RIMBP2: variants seen among roughly 807,000 people sequenced by gnomAD.
RIMBP2 encodes RIMS binding protein 2.
A neutral mutation model predicts 118.6 loss-of-function variants in RIMBP2; 48 were observed. The ratio of observed to expected loss-of-function variants is 0.40; its 90% CI spans 0.32 to 0.51. The LOEUF (loss-of-function observed/expected upper bound fraction) is 0.51. Ranked by LOEUF, RIMBP2 falls within the 20% of genes least tolerant of loss-of-function variation. RIMBP2 has a pLI of 0.41. For synonymous variants in RIMBP2, 762 were observed against 742.9 expected (o/e 1.03, Z -0.42); for missense variants, 1,551 against 1,768.3 (o/e 0.88, Z 2.20).
chr12:130,637,411 G>A (rs964040814), intron 1 of RIMBP2, among the ~76,000 whole-genome samples: 3 of 152,226 alleles, frequency 2.0e-5, no homozygotes, highest in Non-Finnish European at 2.9e-5. Flanking sequence ...GAATGGATGC[G>A]TGCCTGAGAC....
chr12:130,407,890 TC>T lies in RIMBP2; in HGVS notation c.3590-62del, dbSNP rs570347629. Reference sequence around the variant, plus strand: ...GAGGTTATTTCAAACTTAGCGGTGTTCCCCTCCTTCCGGGTCACACATGGCC... The same window carrying T: ...GAGGTTATTTCAAACTTAGCGGTGTTCCCTCCTTCCGGGTCACACATGGCC... On this transcript the variant is annotated intron_variant, in intron 19 of 22. Coordinates refer to ENST00000690449, the MANE Select transcript of RIMBP2 (RefSeq NM_001393629.1). The T allele has an allele frequency of 7.9e-4, 1,159 of 1,466,180 alleles. 9 individuals are homozygous for T. The African/African-American group carries it at 0.015, about 19-fold the overall frequency. 90.8% of individuals were successfully genotyped at this position (1,466,180 alleles called of 1,614,324 possible).
chr12:130,436,140 A>G (rs2077493200), intron 13 of RIMBP2, among the ~76,000 whole-genome samples: 1 of 152,164 alleles, frequency 6.6e-6, no homozygotes, highest in Non-Finnish European at 1.5e-5. Context: ...CCAGCCCCAC[A>G]TCTCTTCCCC....
chr12:130,698,088 CA>C (rs1249090045), intron 1 of RIMBP2, among the ~76,000 whole-genome samples: 39 of 152,102 alleles, frequency 2.6e-4, no homozygotes, highest in Non-Finnish European at 5.6e-4. Flanking sequence ...GGCCCTTCTT[CA>C]TAGGAGGGGC....
chr12:130,477,411 G>C (rs1316399175), intron 5 of RIMBP2, among the ~76,000 whole-genome samples: 1 of 152,210 alleles, frequency 6.6e-6, no homozygotes, highest in Non-Finnish European at 1.5e-5. Flanking sequence ...TGACGAATAA[G>C]TGCAGGTGCC....
intron 1 of RIMBP2, among the ~76,000 whole-genome samples, chr12:130,694,783 A>G (rs555015257): frequency 1.5e-4 from 23 of 152,364 alleles, no homozygotes; most frequent in African/African-American, 5.5e-4. Flanking sequence ...GCTGCTCAGG[A>G]CAGCCCTGGA....
At chr12:130,610,270 G>T (rs1236413832) in intron 2 of RIMBP2, among the ~76,000 whole-genome samples, 1 of 152,026 alleles carries the variant, frequency 6.6e-6, no homozygotes, top group East Asian at 1.9e-4. Context: ...CCGTTCTGGG[G>T]CCTCTGGCAG....
rs11287921 is a variant in RIMBP2, at chr12:130,446,019, TC to T, written c.582-751del. ...GAAAAACAGACGCATGATTTTATGC[TC>T]CCCCCCCCCACACCCCCAGGAATAT... On this transcript the variant is annotated intron_variant, in intron 9 of 22. Coordinates refer to ENST00000690449, the MANE Select transcript of RIMBP2 (RefSeq NM_001393629.1). This position sits in a 1 kb window ranked among gnomAD's most constrained non-coding sequence, Gnocchi z 4.1. 0.54 allele frequency among the ~76,000 whole-genome samples: 60,763 copies of T among 112,500 alleles called. 12,916 individuals are homozygous for T. Among genetic ancestry groups the T allele is most frequent in the Non-Finnish European group, 0.6 (31,442 of 52,444 alleles). The allele number at this position is 112,500 out of a possible 152,430, so 73.8% of individuals were successfully genotyped here. A position where few individuals can be genotyped will look rare whatever the true frequency, so the allele number is the denominator to read the frequency against.
At chr12:130,448,604 G>T (rs1287247633) in intron 9 of RIMBP2, among the ~76,000 whole-genome samples, 2 of 152,254 alleles carry the variant, frequency 1.3e-5, no homozygotes. Flanking sequence ...CGGACTGAAG[G>T]AGCCAGGGGT....
rs565327485 is a variant in RIMBP2, at chr12:130,418,037, C to T, written c.3239-3731G>A. ...AGCACGAGGAACACAGGTGGTGGGACGAGATGACACAGGTATGCAGAAGAG... is the reference window on the plus strand; with the variant it reads ...AGCACGAGGAACACAGGTGGTGGGATGAGATGACACAGGTATGCAGAAGAG... On this transcript the variant is annotated intron_variant, in intron 17 of 22. Transcript: ENST00000690449. 7.9e-5 allele frequency among the ~76,000 whole-genome samples: 12 copies of T among 152,076 alleles called. No homozygotes were observed. The East Asian group carries it at 1.7e-3, about 22-fold the overall frequency.
chr12:130,687,986 A>G (rs1439780178), intron 1 of RIMBP2, among the ~76,000 whole-genome samples: 1 of 152,234 alleles, frequency 6.6e-6, no homozygotes, highest in Non-Finnish European at 1.5e-5. Context: ...CACGAGAGAC[A>G]GTGAAATGAG....
rs187641033 is a variant in RIMBP2 at position 130,523,634 on chromosome 12, C to G, written c.-216-5717G>C. Among the ~76,000 whole-genome samples the G allele has an allele frequency of 6.6e-6, 1 of 152,196 alleles. No homozygotes were observed. Among genetic ancestry groups the G allele is most frequent in the African/African-American group, 2.4e-5 (1 of 41,458 alleles). On this transcript the variant is annotated intron_variant, in intron 2 of 22. Transcript: ENST00000690449. The surrounding 1 kb of genome is among the most constrained non-coding windows in gnomAD (Gnocchi z 4.4). ...AACTGACAAGAGAAAGGAAAAAGCACGTTCTTTCAATAAACTTGTCAATTT... is the reference window on the plus strand; with the variant it reads ...AACTGACAAGAGAAAGGAAAAAGCAGGTTCTTTCAATAAACTTGTCAATTT...
chr12:130,711,063 C>T (rs772494519), intron 1 of RIMBP2, among the ~76,000 whole-genome samples: 7 of 152,210 alleles, frequency 4.6e-5, no homozygotes, highest in South Asian at 2.1e-4. Flanking sequence ...GTCAACATGG[C>T]GTAATCCCAT....
intron 7 of RIMBP2, among the ~76,000 whole-genome samples, chr12:130,453,657 C>T (rs1000123380): frequency 6.6e-6 from 1 of 152,220 alleles, no homozygotes; most frequent in African/African-American, 2.4e-5. Flanking sequence ...AAGCAGAGAA[C>T]AGAACAGTGG....
chr12:130,704,941 T>TC (rs1448231129), intron 1 of RIMBP2, among the ~76,000 whole-genome samples: 1 of 152,170 alleles, frequency 6.6e-6, no homozygotes, highest in Non-Finnish European at 1.5e-5. Context: ...TGTGCTCGTT[T>TC]CCTGGGCTGC....
chr12:130,526,619 T>C (rs1375829359), intron 2 of RIMBP2, among the ~76,000 whole-genome samples: 2 of 152,210 alleles, frequency 1.3e-5, no homozygotes, highest in Non-Finnish European at 2.9e-5. Flanking sequence ...TGGCCTTATG[T>C]TTTAGAAAAG....
chr12:130,409,646 A>G (rs531445478), intron 19 of RIMBP2, among the ~76,000 whole-genome samples: 1 of 152,164 alleles, frequency 6.6e-6, no homozygotes, highest in Non-Finnish European at 1.5e-5. Flanking sequence ...CCCGGCCCAG[A>G]ATGTAGCTTT....
At chr12:130,418,982 G>A (rs1341255012) in intron 17 of RIMBP2, among the ~76,000 whole-genome samples, 5 of 152,178 alleles carry the variant, frequency 3.3e-5, no homozygotes, top group Non-Finnish European at 7.4e-5. Flanking sequence ...AGACAGGTGT[G>A]GGGTAGAGGT....
At chr12:130,402,089 C>G (rs141874606) in intron 21 of RIMBP2, among the ~76,000 whole-genome samples, 1 of 152,344 alleles carries the variant, frequency 6.6e-6, no homozygotes, top group African/African-American at 2.4e-5. Context: ...AAATCCACGT[C>G]AGAACGCACA....
Position 130,419,033 on chromosome 12 carries a change from G to A in RIMBP2, c.3238+3420C>T, listed in dbSNP as rs1161663554. ...AGTTGAACGTATGTGAATAAAATCA[G>A]CGTATGCGGTGACTCCACCGTATGT... On this transcript the variant is annotated intron_variant, in intron 17 of 22. Coordinates refer to ENST00000690449, the MANE Select transcript of RIMBP2 (RefSeq NM_001393629.1). The surrounding 1 kb of genome is among the most constrained non-coding windows in gnomAD (Gnocchi z 4.3). Among the ~76,000 whole-genome samples the A allele has an allele frequency of 6.6e-6, 1 of 152,196 alleles. No individual in the cohort carries two copies. The highest frequency in any genetic ancestry group is 1.5e-5 in the Non-Finnish European group (1 of 68,040).
Sources: allele counts gnomAD v4.1 joint callset (sites outside exome capture counted in the v4.1 genomes callset), GRCh38; gene constraint gnomAD v4.1.1; non-coding constraint Gnocchi (gnomAD v3.1); transcripts MANE v1.5; gene names NCBI Gene and HGNC (gene_info 2026-07-23, HGNC 2026-07-21).